TAFA2: variants seen among roughly 807,000 people sequenced by gnomAD.
TAFA2 encodes TAFA chemokine like family member 2, also known as chemokine-like protein TAFA-2.
TAFA2 carries 7 observed loss-of-function variants against 18.8 expected under a neutral mutation model. The ratio of observed to expected loss-of-function variants is 0.37; its 90% confidence interval spans 0.21 to 0.70. The LOEUF is 0.70. Among genes scored for constraint, TAFA2 ranks in the 30% least tolerant of loss-of-function variants. The pLI is 0.53. For missense variants in TAFA2, 122 were observed against 158.1 expected (o/e 0.77, Z 1.23); for synonymous variants, 60 against 54.2 (o/e 1.11, Z -0.47).
At chr12:62,234,830 G>T in intron 1 of TAFA2, 1 of 1,021,842 alleles carries the variant, frequency 9.8e-7, no homozygotes, top group African/African-American at 1.6e-5. Flanking sequence ...GCTGACTTAC[G>T]AGAGTCCTGA....
chr12:62,076,468 T>C (rs556338184), intron 1 of TAFA2, among the ~76,000 whole-genome samples: 114 of 152,306 alleles, frequency 7.5e-4, no homozygotes, highest in Admixed American at 1.4e-3. Context: ...GAGATAATTA[T>C]ACTTTTTCTG....
chr12:61,888,965 C>T (rs961113850), intron 1 of TAFA2, among the ~76,000 whole-genome samples: 2 of 152,260 alleles, frequency 1.3e-5, no homozygotes, highest in Admixed American at 1.3e-4. Context: ...CCATTGGAGG[C>T]TAAACTCCCC....
intron 1 of TAFA2, among the ~76,000 whole-genome samples, chr12:62,002,301 G>A (rs1880405562): frequency 6.6e-6 from 1 of 152,012 alleles, no homozygotes; most frequent in African/African-American, 2.4e-5. Context: ...ACCTTTTTTA[G>A]TTTCTCCTTT....
intron 2 of TAFA2, chr12:61,776,016 C>G (rs374826246): frequency 6.8e-5 from 24 of 352,466 alleles, no homozygotes; most frequent in African/African-American, 4.1e-4. Context: ...CACACACATG[C>G]GAATCTATAA....
At chr12:62,204,239 A>G (rs1337804044) in intron 1 of TAFA2, among the ~76,000 whole-genome samples, 1 of 152,038 alleles carries the variant, frequency 6.6e-6, no homozygotes, top group East Asian at 1.9e-4. Context: ...TTTGTAGGTG[A>G]CCTGGCCTTT....
chr12:61,772,320 C>T (rs560779770), intron 2 of TAFA2, among the ~76,000 whole-genome samples: 10 of 151,762 alleles, frequency 6.6e-5, no homozygotes, highest in Admixed American at 1.3e-4. Flanking sequence ...CTAGTACTAA[C>T]CCTATTCACA....
chr12:61,940,178 T>C (rs749237667), intron 1 of TAFA2, among the ~76,000 whole-genome samples: 29 of 152,338 alleles, frequency 1.9e-4, no homozygotes, highest in African/African-American at 6.0e-4. Context: ...AAATAGATAG[T>C]GGCAGTGCCA....
chr12:61,894,479 A>G (rs1875758782), intron 1 of TAFA2, among the ~76,000 whole-genome samples: 1 of 152,236 alleles, frequency 6.6e-6, no homozygotes, highest in Admixed American at 6.5e-5. Context: ...GCAGATTAGC[A>G]GCAAAGAGAC....
rs1051677342 is a variant in TAFA2 at position 61,988,818 on chromosome 12, A to T, written c.-1-121392T>A. 2.0e-5 allele frequency among the ~76,000 whole-genome samples: 3 copies of T among 152,264 alleles called. No homozygotes were observed. The East Asian group carries it at 5.8e-4, about 29-fold the overall frequency. Reference sequence around the variant, plus strand: ...GCTTGGGCTCTGTGATGAGTGCTACAGGATGTGGGAGCCTAAGTTTTTAAT... The same window carrying T: ...GCTTGGGCTCTGTGATGAGTGCTACTGGATGTGGGAGCCTAAGTTTTTAAT... On this transcript the variant is annotated intron_variant, in intron 1 of 4. Coordinates refer to ENST00000416284, the MANE Select transcript of TAFA2 (RefSeq NM_178539.5).
chr12:62,087,242 G>A (rs1284015025), intron 1 of TAFA2, among the ~76,000 whole-genome samples: 1 of 152,096 alleles, frequency 6.6e-6, no homozygotes, highest in Non-Finnish European at 1.5e-5. Flanking sequence ...ATACAACAAT[G>A]TGAATATACT....
At chr12:62,133,512 G>T (rs899454150) in intron 1 of TAFA2, among the ~76,000 whole-genome samples, 1 of 152,008 alleles carries the variant, frequency 6.6e-6, no homozygotes, top group African/African-American at 2.4e-5. Flanking sequence ...AAAAAAAATA[G>T]AGAGGGAGAT....
rs150750697 is a variant in TAFA2, at chr12:62,254,636, T to C, written c.-130+4127A>G. On this transcript the variant is annotated intron_variant, in intron 1 of 5. Transcript: ENST00000551619. ...ACTGGCTAGAAACAAAAATCAATGG[T>C]AAATATTTTTATGAAATCACTAGAC... 2.2e-3 allele frequency among the ~76,000 whole-genome samples: 329 copies of C among 152,270 alleles called. 2 individuals carry two copies. The highest frequency in any genetic ancestry group is 7.8e-3 in the African/African-American group (325 of 41,568).
chr12:61,794,534 T>A (rs1206717403), intron 2 of TAFA2, among the ~76,000 whole-genome samples: 1 of 152,034 alleles, frequency 6.6e-6, no homozygotes, highest in Admixed American at 6.6e-5. Flanking sequence ...TCTAAATCAA[T>A]GAATAGATAT....
intron 2 of TAFA2, among the ~76,000 whole-genome samples, chr12:61,853,431 A>G (rs1873759614): frequency 6.6e-6 from 1 of 152,094 alleles, no homozygotes; most frequent in Non-Finnish European, 1.5e-5. Flanking sequence ...AATTAAAAAC[A>G]CTATTAGTGT....
intron 1 of TAFA2, among the ~76,000 whole-genome samples, chr12:62,078,403 T>TGG (rs1369223975): frequency 8.7e-6 from 1 of 114,818 alleles, no homozygotes; most frequent in African/African-American, 3.4e-5. Context: ...CCCTAAAACT[T>TGG]AAAGTATAAT....
intron 1 of TAFA2, among the ~76,000 whole-genome samples, chr12:62,033,161 G>T (rs1166104675): frequency 6.6e-6 from 1 of 152,214 alleles, no homozygotes; most frequent in South Asian, 2.1e-4. Flanking sequence ...TCAAAGGCTG[G>T]AATTATTGTG....
At chr12:61,870,594 C>G (rs1313838222) in intron 1 of TAFA2, among the ~76,000 whole-genome samples, 1 of 152,116 alleles carries the variant, frequency 6.6e-6, no homozygotes, top group Non-Finnish European at 1.5e-5. Flanking sequence ...CTTTATGTCT[C>G]TAATCTCATT....
upstream of TAFA2, among the ~76,000 whole-genome samples, chr12:62,195,966 T>C (rs2062647246): frequency 6.6e-6 from 1 of 152,212 alleles, no homozygotes; most frequent in South Asian, 2.1e-4. Flanking sequence ...TTTATTTACA[T>C]TGAAAATCTG....
intron 1 of TAFA2, among the ~76,000 whole-genome samples, chr12:61,922,347 C>T (rs1223396511): frequency 6.6e-6 from 1 of 152,110 alleles, no homozygotes; most frequent in Non-Finnish European, 1.5e-5. Context: ...TCTGCAGCTC[C>T]CAGCGAGACC....
Sources: allele counts gnomAD v4.1 joint callset (sites outside exome capture counted in the v4.1 genomes callset), GRCh38; gene constraint gnomAD v4.1.1; transcripts MANE v1.5; gene names NCBI Gene and HGNC (gene_info 2026-07-23, HGNC 2026-07-21).